ACTR3B: variants seen among roughly 807,000 people sequenced by gnomAD.
ACTR3B encodes actin related protein 3B, also known as actin-related protein 3B.
A neutral mutation model predicts 59.0 loss-of-function variants in ACTR3B; 8 were observed. The observed-to-expected ratio is 0.14, with a 90% confidence interval of 0.08 to 0.24. The LOEUF is 0.24. Among genes scored for constraint, ACTR3B ranks in the 10% least tolerant of loss-of-function variants. The pLI is 1.00. For synonymous variants in ACTR3B, 148 were observed against 197.9 expected, an observed-to-expected ratio of 0.75 and a Z score of 2.12; for missense variants, 245 against 552.3, an observed-to-expected ratio of 0.44 and a Z score of 5.58.
At chr7:152,799,623 G>A (rs2098228293) in intron 2 of ACTR3B, among the ~76,000 whole-genome samples, 1 of 152,214 alleles carries the variant, frequency 6.6e-6, no homozygotes, top group African/African-American at 2.4e-5. Context: ...TTAAACAATT[G>A]TAATTCATCC....
At chr7:152,774,893 G>A (rs2098132745) in intron 1 of ACTR3B, among the ~76,000 whole-genome samples, 1 of 152,108 alleles carries the variant, frequency 6.6e-6, no homozygotes, top group African/African-American at 2.4e-5. Context: ...TAGGGTCTGG[G>A]AACAATTTTA....
intron 1 of ACTR3B, among the ~76,000 whole-genome samples, chr7:152,774,059 C>T (rs1261083522): frequency 6.6e-6 from 1 of 152,208 alleles, no homozygotes; most frequent in African/African-American, 2.4e-5. Flanking sequence ...GGGTCCTCAG[C>T]TTTTCAGGGC....
intron 1 of ACTR3B, among the ~76,000 whole-genome samples, chr7:152,773,838 A>G (rs2098130023): frequency 6.6e-6 from 1 of 152,198 alleles, no homozygotes; most frequent in South Asian, 2.1e-4. Flanking sequence ...AGGGAGGAGC[A>G]AGTGCCCAGC....
chr7:152,796,860 GTTTTTTTTTTTTTTTTTTTTTTTTT>G (rs779909545), intron 2 of ACTR3B, among the ~76,000 whole-genome samples: 5 of 54,752 alleles, frequency 9.1e-5, no homozygotes, highest in South Asian at 9.5e-4. Context: ...TAGTTTTTGT[GTTTTTTTTTTTTTTTTTTTTTTTTT>G]TTTTTTTTTT....
chr7:152,811,068 G>A (rs1795196573), intron 4 of ACTR3B: 1 of 150,414 alleles, frequency 6.6e-6, no homozygotes, highest in Admixed American at 6.6e-5. Flanking sequence ...TTAGTGATGG[G>A]TATTTAGGTT....
chr7:152,799,348 A>G (rs1422689189), intron 2 of ACTR3B, among the ~76,000 whole-genome samples: 3 of 152,144 alleles, frequency 2.0e-5, no homozygotes, highest in Non-Finnish European at 2.9e-5. Flanking sequence ...TTAGGTGCAA[A>G]TCCTGTCTGT....
intron 6 of ACTR3B, among the ~76,000 whole-genome samples, chr7:152,819,140 T>C (rs1209134210): frequency 6.6e-6 from 1 of 152,252 alleles, no homozygotes; most frequent in Non-Finnish European, 1.5e-5. Context: ...TTTATACTTT[T>C]ATCTCCATCT....
At chr7:152,791,827 A>G (rs929261632) in intron 2 of ACTR3B, among the ~76,000 whole-genome samples, 13 of 152,232 alleles carry the variant, frequency 8.5e-5, no homozygotes, top group Admixed American at 5.9e-4. Context: ...CAATAGATTA[A>G]TATTTAAACT....
In ACTR3B at chr7:152,825,010, T is replaced by C; in HGVS notation, c.859-20T>C. 1 of 1,608,536 alleles carries C rather than the reference T, an allele frequency of 6.2e-7. No individual in the cohort carries two copies. Among genetic ancestry groups the C allele is most frequent in the Non-Finnish European group, 8.5e-7 (1 of 1,177,498 alleles). The stretch of plus-strand genomic sequence containing the variant: ...TGAGAGAAATGTGTAATGTTTCTTT[T>C]ATATTGATACACAATTCAGTTTGCC... On this transcript the variant is annotated intron_variant, in intron 8 of 11. Transcript: ENST00000256001.
At chr7:152,822,128 A>G (rs1383719846) in intron 7 of ACTR3B, among the ~76,000 whole-genome samples, 1 of 152,240 alleles carries the variant, frequency 6.6e-6, no homozygotes, top group Non-Finnish European at 1.5e-5. Context: ...CAAAGAACAC[A>G]GGGTTGTGTA....
chr7:152,853,154 G>A (rs1798964768), intron 10 of ACTR3B, among the ~76,000 whole-genome samples: 1 of 151,866 alleles, frequency 6.6e-6, no homozygotes, highest in Non-Finnish European at 1.5e-5. Context: ...GATCTCTACA[G>A]TGCCAGAACA....
intron 4 of ACTR3B, among the ~76,000 whole-genome samples, chr7:152,809,363 A>G (rs1340552505): frequency 6.6e-6 from 1 of 151,902 alleles, no homozygotes; most frequent in Admixed American, 6.6e-5. Flanking sequence ...GAAGTGATGC[A>G]CACACAGTGC....
At chr7:152,783,618 T>G (rs1288440803) in intron 2 of ACTR3B, among the ~76,000 whole-genome samples, 1 of 152,138 alleles carries the variant, frequency 6.6e-6, no homozygotes, top group African/African-American at 2.4e-5. Context: ...GATTCTTTTT[T>G]TTTTTGGTGG....
chr7:152,783,765 G>T (rs933275843), intron 2 of ACTR3B, among the ~76,000 whole-genome samples: 2 of 151,778 alleles, frequency 1.3e-5, no homozygotes, highest in African/African-American at 4.8e-5. Flanking sequence ...TTTCCTGTAG[G>T]AGTCTTCCCG....
chr7:152,826,053 A>G (rs1467472372), intron 9 of ACTR3B, among the ~76,000 whole-genome samples: 3 of 152,254 alleles, frequency 2.0e-5, no homozygotes, highest in Middle Eastern at 3.4e-3. Flanking sequence ...GCTCAGTGGC[A>G]TGACTCACTC....
Position 152,800,511 on chromosome 7 carries a change from G to A in ACTR3B, c.101-20G>A, listed in dbSNP as rs1172069306. On this transcript the variant is annotated intron_variant, in intron 2 of 11. Transcript: ENST00000256001. ...GATATGGATAGTGATAGAAATCTGT[G>A]TGTGTGTGTTTTTTTTAAGGTATTG... 6 of 1,612,286 alleles carry A rather than the reference G, an allele frequency of 3.7e-6. No individual in the cohort carries two copies. The highest frequency in any genetic ancestry group is 5.1e-6 in the Non-Finnish European group (6 of 1,179,094).
intron 2 of ACTR3B, among the ~76,000 whole-genome samples, chr7:152,784,529 G>C (rs1046762300): frequency 2.6e-5 from 4 of 152,170 alleles, no homozygotes; most frequent in African/African-American, 9.7e-5. Flanking sequence ...GGGTTATCCT[G>C]ATGACAGGCA....
chr7:152,779,425 A>G (rs1284701718), intron 1 of ACTR3B, among the ~76,000 whole-genome samples: 3 of 152,096 alleles, frequency 2.0e-5, no homozygotes, highest in Non-Finnish European at 4.4e-5. Context: ...CTAATAGGTA[A>G]ACATTTTGAG....
intron 2 of ACTR3B, among the ~76,000 whole-genome samples, chr7:152,783,604 G>T (rs2098161972): frequency 6.6e-6 from 1 of 151,758 alleles, no homozygotes; most frequent in Admixed American, 6.6e-5. Flanking sequence ...TCACTCTATC[G>T]AAAGATTCTT....
Sources: gnomAD v4.1 joint callset for allele counts (sites outside exome capture counted in the v4.1 genomes callset) on GRCh38, gnomAD v4.1.1 for gene constraint, MANE v1.5 for transcripts, NCBI Gene and HGNC (gene_info 2026-07-23, HGNC 2026-07-21) for gene names.